Variants in ERBB4 observed in about 807,000 individuals in gnomAD.
ERBB4 encodes the protein erb-b2 receptor tyrosine kinase 4.
Under a neutral mutation model 158.0 loss-of-function variants are expected in ERBB4, and 42 were observed. That is an observed-to-expected ratio of 0.27 (90% CI 0.21 to 0.34). The LOEUF (loss-of-function observed/expected upper bound fraction) is 0.34, where lower values mean the gene tolerates loss of function less well. Among genes scored for constraint, ERBB4 ranks in the 10% least tolerant of loss-of-function variants. ERBB4 has a pLI of 1.00. For synonymous variants in ERBB4, 583 were observed against 558.7 expected (o/e 1.04, Z -0.61); for missense variants, 1,333 against 1,624.1 (o/e 0.82, Z 3.08).
intron 16 of ERBB4, among the ~76,000 whole-genome samples, chr2:211,641,352 A>G (rs1462632230): frequency 6.6e-6 from 1 of 151,518 alleles, no homozygotes; most frequent in African/African-American, 2.4e-5. Flanking sequence ...TACTGTTCCA[A>G]TCTGTTTTTG....
intron 5 of ERBB4, among the ~76,000 whole-genome samples, chr2:211,749,353 A>G (rs1371021531): frequency 6.6e-6 from 1 of 152,224 alleles, no homozygotes; most frequent in African/African-American, 2.4e-5. Context: ...ATCAAGCTGT[A>G]GTACAACATG....
intron 3 of ERBB4, among the ~76,000 whole-genome samples, chr2:211,879,205 G>C (rs2078597440): frequency 6.6e-6 from 1 of 150,962 alleles, no homozygotes; most frequent in Admixed American, 6.6e-5. Flanking sequence ...AAAAAAAAAA[G>C]ACAACATAAA....
intron 3 of ERBB4, among the ~76,000 whole-genome samples, chr2:211,836,045 AAT>A: frequency 6.6e-6 from 1 of 152,236 alleles, no homozygotes; most frequent in East Asian, 1.9e-4. Context: ...GCTAAGTATA[AAT>A]AAAAATAAGC....
At chr2:211,680,764 G>T (rs746040956) in intron 12 of ERBB4, among the ~76,000 whole-genome samples, 2 of 152,150 alleles carry the variant, frequency 1.3e-5, no homozygotes, top group Non-Finnish European at 2.9e-5. Context: ...AGCAGACTTA[G>T]ATCTATCAAC....
At chr2:211,917,506 A>C (rs892640121) in intron 3 of ERBB4, among the ~76,000 whole-genome samples, 1 of 152,210 alleles carries the variant, frequency 6.6e-6, no homozygotes, top group African/African-American at 2.4e-5. Context: ...GACATTAAGC[A>C]GTTTGTTCAA....
intron 9 of ERBB4, among the ~76,000 whole-genome samples, chr2:211,711,778 CTG>C (rs1286083301): frequency 6.6e-6 from 1 of 152,086 alleles, no homozygotes; most frequent in Non-Finnish European, 1.5e-5. Context: ...TTGCTGAAAA[CTG>C]TGGATTTGAG....
At chr2:211,682,124 T>C (rs992982446) in intron 12 of ERBB4, among the ~76,000 whole-genome samples, 10 of 148,414 alleles carry the variant, frequency 6.7e-5, no homozygotes, top group African/African-American at 2.3e-4. Flanking sequence ...AACTGAGAAG[T>C]TTCACCATCT....
chr2:212,319,185 ATTG>A (rs1389675097), intron 1 of ERBB4, among the ~76,000 whole-genome samples: 7 of 151,560 alleles, frequency 4.6e-5, no homozygotes, highest in Non-Finnish European at 1.0e-4. Context: ...ACTTCTACCT[ATTG>A]TTTTTACTTT....
intron 2 of ERBB4, among the ~76,000 whole-genome samples, chr2:211,973,104 A>C (rs1468733811): frequency 1.3e-5 from 2 of 152,220 alleles, no homozygotes; most frequent in Admixed American, 6.5e-5. Flanking sequence ...CACAAAAAAA[A>C]GTGGGCAAAA....
chr2:211,951,167 C>T (rs962984229), intron 2 of ERBB4, among the ~76,000 whole-genome samples: 1 of 152,092 alleles, frequency 6.6e-6, no homozygotes, highest in Non-Finnish European at 1.5e-5. Flanking sequence ...CCATCCCACT[C>T]AGGAAGTGAC....
At chr2:212,447,873 C>G (rs867257632) in intron 1 of ERBB4, among the ~76,000 whole-genome samples, 1 of 151,716 alleles carries the variant, frequency 6.6e-6, no homozygotes, top group South Asian at 2.1e-4. Context: ...AACTCTTATA[C>G]TGTGTTCTAA....
At chr2:212,286,607 T>TTTTTTG (rs2085981826) in intron 1 of ERBB4, among the ~76,000 whole-genome samples, 1 of 126,016 alleles carries the variant, frequency 7.9e-6, no homozygotes, top group African/African-American at 3.0e-5. Flanking sequence ...TTTTTTTTTT[T>TTTTTTG]TTTTTTTTTT....
At chr2:211,956,699 CA>C (rs1163995289) in intron 2 of ERBB4, among the ~76,000 whole-genome samples, 1 of 151,820 alleles carries the variant, frequency 6.6e-6, no homozygotes, top group African/African-American at 2.4e-5. Flanking sequence ...GAATGGTAAA[CA>C]ATATATAAGC....
intron 19 of ERBB4, among the ~76,000 whole-genome samples, chr2:211,603,610 A>G (rs545639443): frequency 6.6e-6 from 1 of 152,318 alleles, no homozygotes; most frequent in Admixed American, 6.5e-5. Context: ...TTGCCTCTCA[A>G]GTTCCTCCCT....
chr2:212,142,588 A>T (rs2080518420), intron 1 of ERBB4, among the ~76,000 whole-genome samples: 1 of 137,208 alleles, frequency 7.3e-6, no homozygotes, highest in African/African-American at 3.0e-5. Flanking sequence ...AGGACACATT[A>T]TATATATATA....
At chr2:212,170,813 A>T (rs903865634) in intron 1 of ERBB4, among the ~76,000 whole-genome samples, 1 of 152,132 alleles carries the variant, frequency 6.6e-6, no homozygotes, top group East Asian at 1.9e-4. Context: ...GGATGTATGG[A>T]AACACCTGGA....
rs538981926 is a variant in ERBB4, at chr2:211,812,998, C to G, written c.422-24839G>C. ...GAAAATCCCCTGACCCTTTGCACTTCCCGGGTGAGGTGATGTCCCGCCCTG... is the reference window on the plus strand; with the variant it reads ...GAAAATCCCCTGACCCTTTGCACTTGCCGGGTGAGGTGATGTCCCGCCCTG... On this transcript the variant is annotated intron_variant, in intron 3 of 27. Coordinates refer to ENST00000342788, the MANE Select transcript of ERBB4 (RefSeq NM_005235.3). Among the ~76,000 whole-genome samples the G allele has an allele frequency of 4.8e-4, 73 of 152,322 alleles. 2 individuals are homozygous for G. Among genetic ancestry groups the G allele is most frequent in the African/African-American group, 1.7e-3 (70 of 41,574 alleles).
chr2:212,062,136 C>G (rs949880289), intron 2 of ERBB4, among the ~76,000 whole-genome samples: 6 of 152,116 alleles, frequency 3.9e-5, no homozygotes, highest in Non-Finnish European at 8.8e-5. Context: ...CCATCAGAAT[C>G]TATTCTGTTT....
chr2:211,568,485 A>G (rs925327441), intron 19 of ERBB4, among the ~76,000 whole-genome samples: 5 of 152,220 alleles, frequency 3.3e-5, no homozygotes, highest in African/African-American at 9.6e-5. Flanking sequence ...TTAGTTTTTC[A>G]TATTATTTAG....
Sources: gnomAD v4.1 joint callset for allele counts (sites outside exome capture counted in the v4.1 genomes callset) on GRCh38, gnomAD v4.1.1 for gene constraint, MANE v1.5 for transcripts, NCBI Gene and HGNC (gene_info 2026-07-23, HGNC 2026-07-21) for gene names.